The following DGLUCY variants were observed in gnomAD, a reference collection of about 807,000 sequenced individuals.
DGLUCY encodes the protein D-glutamate cyclase, also known as D-glutamate cyclase, mitochondrial.
DGLUCY carries 58 observed loss-of-function variants against 58.5 expected under a neutral mutation model. The ratio of observed to expected loss-of-function variants is 0.99; its 90% CI spans 0.80 to 1.23. The LOEUF is 1.23. Ranked by LOEUF, DGLUCY falls within the 50% of genes most tolerant of loss-of-function variation. The pLI, the probability that DGLUCY is intolerant of heterozygous loss-of-function variation, is 0.00. For synonymous variants in DGLUCY, 325 were observed against 314.1 expected (o/e 1.03, Z -0.37); for missense variants, 779 against 784.7 (o/e 0.99, Z 0.09).
At chr14:91,063,349 T>C (rs1457328638) in intron 1 of DGLUCY, among the ~76,000 whole-genome samples, 1 of 151,920 alleles carries the variant, frequency 6.6e-6, no homozygotes, top group Non-Finnish European at 1.5e-5. Context: ...GTATGATATA[T>C]AACATTTTCA....
Position 91,196,477 on chromosome 14 carries a change from ACG to A in DGLUCY, c.1295+4_1295+5del. ...AATGGGGACCCGCAGACACCTAGGT[ACG>A]TATGTCGCATCCCAGTTTAAGTGGC... On this transcript the variant is annotated splice_donor_5th_base_variant and intron_variant, in intron 10 of 13. Coordinates refer to ENST00000256324, the MANE Select transcript of DGLUCY (RefSeq NM_001102368.3). 6.2e-7 allele frequency: 1 copy of A among 1,612,778 alleles called. No individual in the cohort carries two copies. Among genetic ancestry groups the A allele is most frequent in the Non-Finnish European group, 8.5e-7 (1 of 1,178,906 alleles).
At chr14:91,104,830 G>A (rs961626924), upstream of DGLUCY, among the ~76,000 whole-genome samples, 2 of 152,096 alleles carry the variant, frequency 1.3e-5, no homozygotes, top group Admixed American at 1.3e-4. Flanking sequence ...CAGCTTCCCT[G>A]CTGTTGTCTA....
chr14:91,113,278 T>A (rs2044742625), upstream of DGLUCY, among the ~76,000 whole-genome samples: 1 of 152,112 alleles, frequency 6.6e-6, no homozygotes, highest in Non-Finnish European at 1.5e-5. Context: ...CCGGCCTGGG[T>A]GACAGAGCAA....
At chr14:91,092,452 T>G (rs2044327978) in intron 1 of DGLUCY, among the ~76,000 whole-genome samples, 1 of 152,250 alleles carries the variant, frequency 6.6e-6, no homozygotes, top group Admixed American at 6.5e-5. Flanking sequence ...AAGATCTCCC[T>G]ATGAGAAAAG....
At chr14:91,163,110 A>G (rs891330869) in intron 3 of DGLUCY, among the ~76,000 whole-genome samples, 1 of 151,882 alleles carries the variant, frequency 6.6e-6, no homozygotes, top group South Asian at 2.1e-4. Flanking sequence ...ATACAAAAGA[A>G]TTAGCCAGGT....
Position 91,188,900 on chromosome 14 carries a change from G to T in DGLUCY, c.935-10G>T. On this transcript the variant is annotated splice_polypyrimidine_tract_variant and intron_variant, in intron 8 of 13. Transcript: ENST00000256324. The stretch of plus-strand genomic sequence containing the variant: ...ATAGTTACTTTTACATTCTATTTTT[G>T]TCATTTCAGGGAACCGGGGGATTGG... 1.2e-6 allele frequency: 2 copies of T among 1,605,082 alleles called. No individual in the cohort carries two copies. The highest frequency in any genetic ancestry group is 1.1e-5 in the South Asian group (1 of 89,208).
chr14:91,202,730 C>T (rs1489183104), intron 11 of DGLUCY, among the ~76,000 whole-genome samples: 1 of 152,182 alleles, frequency 6.6e-6, no homozygotes, highest in Non-Finnish European at 1.5e-5. Context: ...ATCCCGTCCT[C>T]CCACACCCGC....
chr14:91,063,202 G>GC (rs982679685), intron 1 of DGLUCY, among the ~76,000 whole-genome samples: 1 of 151,742 alleles, frequency 6.6e-6, no homozygotes, highest in Non-Finnish European at 1.5e-5. Context: ...GCAAAAAGTA[G>GC]CCTGATGTTC....
At chr14:91,072,866 G>A (rs58416265) in intron 1 of DGLUCY, among the ~76,000 whole-genome samples, 8,358 of 151,974 alleles carry the variant, frequency 0.055, 286 homozygotes, top group East Asian at 0.15. Flanking sequence ...AAAATTAGCT[G>A]GGCACGGTGG....
chr14:91,207,792 G>T (rs1885002715), intron 12 of DGLUCY, among the ~76,000 whole-genome samples: 1 of 151,538 alleles, frequency 6.6e-6, no homozygotes, highest in African/African-American at 2.4e-5. Context: ...TGTTGCCGAG[G>T]CTGGAGTGCA....
chr14:91,200,673 C>G (rs932314066), intron 11 of DGLUCY, among the ~76,000 whole-genome samples: 3 of 151,876 alleles, frequency 2.0e-5, no homozygotes, highest in African/African-American at 7.3e-5. Context: ...ACCTCCTGGG[C>G]TCAAGCAATC....
chr14:91,202,648 T>G (rs1595908339), intron 11 of DGLUCY, among the ~76,000 whole-genome samples: 1 of 151,142 alleles, frequency 6.6e-6, no homozygotes, highest in Non-Finnish European at 1.5e-5. Flanking sequence ...GGGGGAGGGG[T>G]TCTCAGAGTG....
chr14:91,133,642 A>G (rs572068918), intron 1 of DGLUCY, among the ~76,000 whole-genome samples: 197 of 152,168 alleles, frequency 1.3e-3, no homozygotes, highest in African/African-American at 2.2e-3. Flanking sequence ...TCCCGTCTCA[A>G]TCTCCCAAAG....
At chr14:91,196,066 G>A (rs899400289) in intron 9 of DGLUCY, among the ~76,000 whole-genome samples, 20 of 152,130 alleles carry the variant, frequency 1.3e-4, no homozygotes, top group Non-Finnish European at 2.8e-4. Context: ...CTCAGCCCTC[G>A]TGATGGCAGT....
At chr14:91,135,327 G>A (rs1388214713) in intron 1 of DGLUCY, among the ~76,000 whole-genome samples, 3 of 152,022 alleles carry the variant, frequency 2.0e-5, no homozygotes, top group Admixed American at 6.6e-5. Context: ...TGATCTTCAC[G>A]GGGATGCTTT....
chr14:91,087,531 C>T (rs2044243497), intron 1 of DGLUCY, among the ~76,000 whole-genome samples: 1 of 152,236 alleles, frequency 6.6e-6, no homozygotes, highest in South Asian at 2.1e-4. Context: ...CCCTGGCATG[C>T]TTATACTGGT....
Position 91,095,718 on chromosome 14 carries a change from G to C in DGLUCY, c.-82+35014G>C, listed in dbSNP as rs116360143. ...GGAGTGGAAGAAGACTCTGCAAATG[G>C]GGGGAGAAAAATGGCAGCTCTCCTT... On this transcript the variant is annotated intron_variant, in intron 1 of 4. Transcript: ENST00000521334. Among the ~76,000 whole-genome samples the C allele has an allele frequency of 3.1e-3, 475 of 152,234 alleles. 5 individuals carry two copies. Among genetic ancestry groups the C allele is most frequent in the African/African-American group, 0.011 (460 of 41,544 alleles).
intron 3 of DGLUCY, 31 bp from the exon 4 acceptor site, chr14:91,167,192 CTA>C: frequency 5.1e-6 from 8 of 1,555,188 alleles, no homozygotes; most frequent in Non-Finnish European, 6.9e-6. Context: ...AAACCGCTGA[CTA>C]TACATTTTTC....
intron 1 of DGLUCY, among the ~76,000 whole-genome samples, chr14:91,090,513 T>C (rs2140064561): frequency 6.6e-6 from 1 of 152,276 alleles, no homozygotes; most frequent in Non-Finnish European, 1.5e-5. Flanking sequence ...AGGGAGTTCC[T>C]GAGGGTTGGG....
Sources: gnomAD v4.1 joint callset for allele counts (sites outside exome capture counted in the v4.1 genomes callset) on GRCh38, gnomAD v4.1.1 for gene constraint, MANE v1.5 for transcripts, NCBI Gene and HGNC (gene_info 2026-07-23, HGNC 2026-07-21) for gene names.